DTX1: variants seen among roughly 807,000 people sequenced by gnomAD.
DTX1 encodes E3 ubiquitin-protein ligase DTX1.
A neutral mutation model predicts 57.8 loss-of-function variants in DTX1; 26 were observed. The observed-to-expected ratio is 0.45, with a 90% CI of 0.33 to 0.62. The LOEUF is 0.62. DTX1 is among the 20% of genes least tolerant of loss of function. DTX1 has a pLI of 0.02. For missense variants in DTX1, 704 were observed against 895.3 expected, an observed-to-expected ratio of 0.79 and a Z score of 2.73; for synonymous variants, 398 against 394.1, an observed-to-expected ratio of 1.01 and a Z score of -0.12.
At chr12:113,086,109 T>A (rs1298864179) in intron 3 of DTX1, among the ~76,000 whole-genome samples, 3 of 151,728 alleles carry the variant, frequency 2.0e-5, no homozygotes, top group African/African-American at 7.3e-5. Context: ...CTTTACAAAA[T>A]TTTTTTAAAT....
At chr12:113,076,056 T>A (rs1370223064) in intron 2 of DTX1, among the ~76,000 whole-genome samples, 1 of 141,672 alleles carries the variant, frequency 7.1e-6, no homozygotes, top group East Asian at 2.2e-4. Flanking sequence ...GGAAAGTACG[T>A]GGGGGGTGCA....
intron 3 of DTX1, among the ~76,000 whole-genome samples, chr12:113,083,438 G>T (rs902244610): frequency 3.3e-5 from 5 of 152,066 alleles, no homozygotes; most frequent in Admixed American, 2.6e-4. Flanking sequence ...TGATTCTCCT[G>T]CCTCAGCCTC....
chr12:113,072,680 A>G (rs2044744247), intron 2 of DTX1, among the ~76,000 whole-genome samples: 1 of 150,138 alleles, frequency 6.7e-6, no homozygotes, highest in Non-Finnish European at 1.5e-5. Context: ...GATTTGCACA[A>G]GACCTGAGAG....
At chr12:113,063,216 C>T (rs940761660) in intron 2 of DTX1, among the ~76,000 whole-genome samples, 3 of 152,206 alleles carry the variant, frequency 2.0e-5, no homozygotes, top group Non-Finnish European at 2.9e-5. Flanking sequence ...TGGGCTGGGC[C>T]CAGGAGCCAT....
chr12:113,082,112 C>T (rs900268166), intron 3 of DTX1, among the ~76,000 whole-genome samples: 4 of 152,260 alleles, frequency 2.6e-5, no homozygotes, highest in South Asian at 2.1e-4. Context: ...TTTCTCCTGC[C>T]CCTCCCCTTG....
rs1950278133 is a variant in DTX1, at chr12:113,095,089, G to A, written c.1434G>A (p.Lys478=). ...CPTCKAIYGE[K]TGTQPPGKME... is the part of the protein sequence containing the mutation. ...CCTGCAAGGCCATCTACGGGGAGAA[G>A]ACGGGTACGCAGCCGCCTGGGAAGA... is the stretch of plus-strand genomic sequence containing the variant. The change falls in exon 8 of 10, where the codon AAG becomes AAA. Residue 478 remains lysine, a synonymous_variant. Coordinates refer to ENST00000548759, the MANE Select transcript of DTX1 (RefSeq NM_004416.3). 1.2e-6 allele frequency: 2 copies of A among 1,613,678 alleles called. No individual in the cohort carries two copies. Among genetic ancestry groups the A allele is most frequent in the African/African-American group, 2.7e-5 (2 of 74,914 alleles).
chr12:113,095,737 C>T, intron 9 of DTX1: 1 of 346,068 alleles, frequency 2.9e-6, no homozygotes. Context: ...CACCACCACC[C>T]TACAGGTTGT....
intron 3 of DTX1, among the ~76,000 whole-genome samples, chr12:113,083,390 A>G (rs1165079240): frequency 1.3e-5 from 2 of 152,024 alleles, no homozygotes; most frequent in Non-Finnish European, 1.5e-5. Flanking sequence ...CAGTGGTGCA[A>G]TCTTGGCTCA....
At chr12:113,058,711 A>T (rs1234623662) in intron 2 of DTX1, among the ~76,000 whole-genome samples, 3 of 152,206 alleles carry the variant, frequency 2.0e-5, no homozygotes, top group Non-Finnish European at 4.4e-5. Flanking sequence ...AAATGGGTAG[A>T]TCAATATCTC....
At chr12:113,063,608 C>G (rs1210117479) in intron 2 of DTX1, among the ~76,000 whole-genome samples, 1 of 152,228 alleles carries the variant, frequency 6.6e-6, no homozygotes, top group African/African-American at 2.4e-5. Flanking sequence ...AGCTGGGGAC[C>G]ATCCAAAGAT....
Position 113,096,806 on chromosome 12 carries a change from G to A in DTX1, c.1730G>A (p.Trp577Ter). The change falls in exon 10 of 10, where the codon TGG (tryptophan) becomes TAG (stop). Residue 577 changes from tryptophan to a stop codon, truncating the protein, a stop_gained. Coordinates refer to ENST00000548759, the MANE Select transcript of DTX1 (RefSeq NM_004416.3). LOFTEE classifies it high-confidence loss of function. ...ACGGGCGAGTCGGACACCGTGGTGTGGAACGAGATCCACCACAAGACCGAG... is the reference window on the plus strand; with the variant it reads ...ACGGGCGAGTCGGACACCGTGGTGTAGAACGAGATCCACCACAAGACCGAG... ...NTTGESDTVV[W>*]NEIHHKTEFG... is the part of the protein sequence containing the mutation. 6.2e-7 allele frequency: 1 copy of A among 1,613,836 alleles called. No individual in the cohort carries two copies. The highest frequency in any genetic ancestry group is 2.2e-5 in the East Asian group (1 of 44,866).
chr12:113,091,832 C>A (rs1056974748), intron 3 of DTX1, among the ~76,000 whole-genome samples: 34 of 152,224 alleles, frequency 2.2e-4, no homozygotes, highest in Admixed American at 2.1e-3. Context: ...TTCCTGCCCC[C>A]TCTCCTGGCA....
intron 3 of DTX1, among the ~76,000 whole-genome samples, chr12:113,088,361 T>C (rs1257008334): frequency 6.6e-6 from 1 of 152,170 alleles, no homozygotes; most frequent in Non-Finnish European, 1.5e-5. Context: ...ATGCCTGCTG[T>C]GGGTGCTAGG....
chr12:113,096,439 C>CAAAAAAAAAAAAAAAAAAAAAAAAAA (rs56194115), intron 9 of DTX1, among the ~76,000 whole-genome samples: 1 of 92,780 alleles, frequency 1.1e-5, no homozygotes. Context: ...GACTCTGCCT[C>CAAAAAAAAAAAAAAAAAAAAAAAAAA]AAAAAAAAAA....
Position 113,057,891 on chromosome 12 carries a change from C to G in DTX1, c.-302C>G. 2.6e-6 allele frequency: 1 copy of G among 392,076 alleles called. No individual in the cohort carries two copies. The highest frequency in any genetic ancestry group is 4.6e-6 in the Non-Finnish European group (1 of 219,440). 24.3% of individuals were successfully genotyped at this position (392,076 alleles called of 1,614,324 possible). On this transcript the variant is annotated 5_prime_UTR_variant, in exon 2 of 10. Transcript: ENST00000548759. ...GCGGCTGCCTCACTCCCTACCTGAG[C>G]CAGCCGAGGGGGCCAAGGACTTTAG... is the stretch of plus-strand genomic sequence containing the variant.
intron 2 of DTX1, among the ~76,000 whole-genome samples, chr12:113,074,466 A>G (rs1415065390): frequency 6.6e-6 from 1 of 152,222 alleles, no homozygotes; most frequent in Non-Finnish European, 1.5e-5. Flanking sequence ...AACAGCAAGG[A>G]GGCCAGGGTG....
chr12:113,059,030 G>A (rs2044649407), intron 2 of DTX1, among the ~76,000 whole-genome samples: 2 of 152,076 alleles, frequency 1.3e-5, no homozygotes, highest in South Asian at 2.1e-4. Context: ...TTTGTGGGGT[G>A]GAGTCGTGCT....
intron 2 of DTX1, among the ~76,000 whole-genome samples, chr12:113,069,435 C>A (rs1039159836): frequency 2.0e-5 from 3 of 152,142 alleles, no homozygotes; most frequent in Non-Finnish European, 4.4e-5. Context: ...CACTGCAGAC[C>A]CCCTCTCCTC....
intron 2 of DTX1, among the ~76,000 whole-genome samples, chr12:113,062,846 C>T (rs1316581683): frequency 6.6e-6 from 1 of 152,240 alleles, no homozygotes; most frequent in South Asian, 2.1e-4. Flanking sequence ...CTCACCTTTC[C>T]CCTGCTGGGC....
Sources: allele counts gnomAD v4.1 joint callset (sites outside exome capture counted in the v4.1 genomes callset), GRCh38; gene constraint gnomAD v4.1.1; transcripts MANE v1.5; gene names NCBI Gene and HGNC (gene_info 2026-07-23, HGNC 2026-07-21).